PASK: variants seen among roughly 807,000 people sequenced by gnomAD.
The protein encoded by PASK is PAS domain containing serine/threonine kinase.
PASK carries 110 observed loss-of-function variants against 121.0 expected under a neutral mutation model. The observed-to-expected ratio is 0.91, with a 90% CI of 0.78 to 1.06. PASK has a LOEUF of 1.06. PASK is among the 50% of genes least tolerant of loss of function. The pLI is 0.00. For synonymous variants in PASK, 686 were observed against 717.8 expected (o/e 0.96, Z 0.71); for missense variants, 1,643 against 1,702.3 (o/e 0.97, Z 0.61).
chr2:241,129,531 C>T (rs1036634838), intron 9 of PASK, among the ~76,000 whole-genome samples: 3 of 152,198 alleles, frequency 2.0e-5, no homozygotes, highest in African/African-American at 7.2e-5. Context: ...CAGCTTCTCA[C>T]GTGCTTAGGG....
At chr2:241,113,813 G>A (rs372062638) in intron 14 of PASK, 38 of 985,430 alleles carry the variant, frequency 3.9e-5, no homozygotes, top group East Asian at 2.3e-4. Flanking sequence ...CCAGCTCCCC[G>A]ACCCCGCTGC....
At chr2:241,114,035 C>T (rs2065224632) in intron 14 of PASK, 2 of 983,854 alleles carry the variant, frequency 2.0e-6, no homozygotes, top group South Asian at 4.7e-5. Context: ...GTCTCACTAG[C>T]CCCAGAATTA....
rs56043607 is a variant in PASK, at chr2:241,126,341, C to A, written c.2574G>T (p.Thr858=). The A allele has an allele frequency of 8.7e-6, 14 of 1,614,104 alleles. No homozygotes were observed. The highest frequency in any genetic ancestry group is 6.7e-5 in the Admixed American group (4 of 60,006). Residue 858 remains threonine, a synonymous_variant, in exon 10 of 18, where the codon ACG becomes ACT. Coordinates refer to ENST00000234040, the MANE Select transcript of PASK (RefSeq NM_015148.4). ...PSTLDAGPED[T]CPSAEEPRLN... is the part of the protein sequence containing the mutation. The stretch of plus-strand genomic sequence containing the variant: ...GCCTTGGCTCCTCTGCTGATGGGCA[C>A]GTGTCCTCAGGGCCAGCATCCAACG...
At chr2:241,147,130 A>G (rs1298218134) in intron 1 of PASK, among the ~76,000 whole-genome samples, 1 of 152,220 alleles carries the variant, frequency 6.6e-6, no homozygotes. Context: ...GCCATAATAA[A>G]TAACAATGAC....
In PASK at chr2:241,126,557, T is replaced by C; in HGVS notation, c.2358A>G (p.Glu786=). ...GSDPDVGSLQ[E]QGSCVLDDRE... Reference sequence around the variant, plus strand: ...TGTCATCCAGGACACACGACCCCTGTTCCTGGAGACTGCCTACATCTGGAT... The same window carrying C: ...TGTCATCCAGGACACACGACCCCTGCTCCTGGAGACTGCCTACATCTGGAT... Residue 786 remains glutamate, a synonymous_variant, in exon 10 of 18, where the codon GAA becomes GAG. Transcript: ENST00000234040. 4 of 1,614,224 alleles carry C rather than the reference T, an allele frequency of 2.5e-6. No individual in the cohort carries two copies. Among genetic ancestry groups the C allele is most frequent in the Non-Finnish European group, 3.4e-6 (4 of 1,180,012 alleles).
chr2:241,124,565 G>A (rs939080124), intron 10 of PASK, among the ~76,000 whole-genome samples: 1 of 152,200 alleles, frequency 6.6e-6, no homozygotes, highest in Non-Finnish European at 1.5e-5. Context: ...TTAAAAGCAT[G>A]TACACATGTA....
intron 12 of PASK, among the ~76,000 whole-genome samples, chr2:241,117,996 G>A (rs1055468853): frequency 7.9e-5 from 12 of 152,068 alleles, no homozygotes; most frequent in African/African-American, 2.2e-4. Flanking sequence ...AAACACTACC[G>A]AAAGAAATTA....
Position 241,115,416 on chromosome 2 carries a change from G to A in PASK, c.3073-3C>T. On this transcript the variant is annotated splice_polypyrimidine_tract_variant and splice_region_variant and intron_variant, in intron 12 of 17. Transcript: ENST00000234040. ...TTCTTAATAAACTTCACCACCACCT[G>A]TGAGGAAGACAGAGCGTAGTGGAAA... 6.2e-7 allele frequency: 1 copy of A among 1,613,758 alleles called. No homozygotes were observed. The highest frequency in any genetic ancestry group is 1.3e-5 in the African/African-American group (1 of 74,902).
chr2:241,116,761 G>A (rs559713732), intron 12 of PASK, among the ~76,000 whole-genome samples: 1 of 152,356 alleles, frequency 6.6e-6, no homozygotes, highest in Non-Finnish European at 1.5e-5. Flanking sequence ...CACAACGCCT[G>A]CTGCTACGTG....
At chr2:241,123,046 C>G in intron 11 of PASK, 147 bp from the exon 12 acceptor site, 1 of 708,650 alleles carries the variant, frequency 1.4e-6, no homozygotes, top group Non-Finnish European at 2.3e-6. Flanking sequence ...TGCTCTCAGA[C>G]AGGTCTGAAA....
upstream of PASK, chr2:241,149,603 C>T: frequency 2.7e-6 from 4 of 1,507,678 alleles, no homozygotes; most frequent in South Asian, 4.8e-5. Flanking sequence ...TTGCTAGGGA[C>T]GCACCAAACA....
Position 241,140,682 on chromosome 2 carries a change from G to T in PASK, c.268C>A (p.Pro90Thr). The change falls in exon 3 of 18, where the codon CCT becomes ACT. Residue 90 changes from proline to threonine, a missense_variant. This residue lies in a region of PASK where 1,176 missense variants were observed against 1,162.2 expected (regional missense o/e 1.01). Transcript: ENST00000234040. ...QNICTSKLHC[P>T]AAPEHTDPSE... The stretch of plus-strand genomic sequence containing the variant: ...GGGTCCGTGTGCTCAGGGGCAGCAG[G>T]GCAGTGCAGTTTACTTGTACAAATA... 6.2e-7 allele frequency: 1 copy of T among 1,614,114 alleles called. No homozygotes were observed.
At chr2:241,148,569 A>C (rs2067092322) in intron 1 of PASK, among the ~76,000 whole-genome samples, 1 of 152,202 alleles carries the variant, frequency 6.6e-6, no homozygotes, top group Non-Finnish European at 1.5e-5. Context: ...TGGAAGGGCC[A>C]AGCATGAGCC....
At position 241,128,172 on chromosome 2, in the gene PASK, T is replaced by A. The variant is rs1465981679; in HGVS notation, c.1464-721A>T. Among the ~76,000 whole-genome samples, 3 of 152,244 alleles carry A rather than the reference T, an allele frequency of 2.0e-5. No homozygotes were observed. The South Asian group carries it at 6.2e-4, about 32-fold the overall frequency. ...GGCAGGCACCTATAATCCCAGCTAC[T>A]TGGAGGCTGAGGCAGGAGAATGGTT... On this transcript the variant is annotated intron_variant, in intron 9 of 17. Coordinates refer to ENST00000234040, the MANE Select transcript of PASK (RefSeq NM_015148.4).
chr2:241,106,928 A>G (rs1035139301), intron 17 of PASK, among the ~76,000 whole-genome samples: 3 of 152,290 alleles, frequency 2.0e-5, no homozygotes, highest in African/African-American at 7.2e-5. Flanking sequence ...AAATGCTCTG[A>G]GCAGTGGTTT....
upstream of PASK, chr2:241,150,115 C>T (rs1272817233): frequency 7.1e-6 from 9 of 1,263,626 alleles, no homozygotes; most frequent in Middle Eastern, 3.0e-4. Flanking sequence ...CCCGCGGCCC[C>T]TCCACGCCTC....
In PASK at chr2:241,142,961, C is replaced by T. The variant is rs748628951; in HGVS notation, c.72G>A (p.Val24=). ...TCTGTGCAGCTGGGCCCTCTGCTGA[C>T]ACTGGCAAGGGGAGGCTCTGGGAAA... ...RCLSQSLPLP[V]SAEGPAAQTT... is the part of the protein sequence containing the mutation. The change falls in exon 2 of 18, where the codon GTG becomes GTA. Residue 24 remains valine, a synonymous_variant. Coordinates refer to ENST00000234040, the MANE Select transcript of PASK (RefSeq NM_015148.4). 23 of 1,613,696 alleles carry T rather than the reference C, an allele frequency of 1.4e-5. No individual in the cohort carries two copies. The African/African-American group carries it at 2.8e-4, about 20-fold the overall frequency.
At position 241,114,716 on chromosome 2, in the gene PASK, T is replaced by A. The variant is rs985754970; in HGVS notation, c.3333+327A>T. The A allele has an allele frequency of 6.0e-5, 80 of 1,340,936 alleles. 1 individual carries two copies. In the East Asian group the frequency reaches 2.3e-3, roughly 39 times the overall value. The allele number at this position is 1,340,936 out of a possible 1,614,324, so 83.1% of individuals were successfully genotyped here. A position where few individuals can be genotyped will look rare whatever the true frequency, so the allele number is the denominator to read the frequency against. On this transcript the variant is annotated intron_variant, in intron 14 of 17. Coordinates refer to ENST00000234040, the MANE Select transcript of PASK (RefSeq NM_015148.4). ...TGCCGCACACATGCCTTTGAGACGC[T>A]CTCTGGCTGCATCCTAACCCTTACT...
intron 9 of PASK, among the ~76,000 whole-genome samples, chr2:241,132,141 G>C (rs2066174735): frequency 6.6e-6 from 1 of 150,928 alleles, no homozygotes; most frequent in African/African-American, 2.4e-5. Context: ...TATGAGAATA[G>C]AACAAGTTTT....
Sources: gnomAD v4.1 joint callset for allele counts (sites outside exome capture counted in the v4.1 genomes callset) on GRCh38, gnomAD v4.1.1 for gene constraint, gnomAD v4.1.1 regional missense constraint, MANE v1.5 for transcripts, NCBI Gene and HGNC (gene_info 2026-07-23, HGNC 2026-07-21) for gene names.